The following GLG1 variants were observed in gnomAD, a reference collection of about 807,000 sequenced individuals.
GLG1 encodes the protein golgi glycoprotein 1.
A neutral mutation model predicts 160.5 loss-of-function variants in GLG1; 38 were observed. The ratio of observed to expected loss-of-function variants is 0.24; its 90% CI spans 0.18 to 0.31. The LOEUF is 0.31. Among genes scored for constraint, GLG1 ranks in the 10% least tolerant of loss-of-function variants. The pLI is 1.00. For synonymous variants in GLG1, 644 were observed against 543.4 expected, an observed-to-expected ratio of 1.19 and a Z score of -2.57; for missense variants, 1,373 against 1,505.2, an observed-to-expected ratio of 0.91 and a Z score of 1.45.
intron 18 of GLG1, 57 bp downstream of exon 18, chr16:74,467,699 C>T: frequency 8.5e-7 from 1 of 1,181,180 alleles, no homozygotes; most frequent in Non-Finnish European, 1.3e-6. Context: ...TTTGAGAAAA[C>T]ATTAAATATT....
chr16:74,486,625 T>G (rs920111367), intron 8 of GLG1, among the ~76,000 whole-genome samples: 4 of 152,190 alleles, frequency 2.6e-5, no homozygotes, highest in African/African-American at 9.6e-5. Flanking sequence ...GACAGGAGAA[T>G]AGGTACTTCA....
chr16:74,605,483 T>A (rs1243890648), intron 1 of GLG1, among the ~76,000 whole-genome samples: 2 of 152,194 alleles, frequency 1.3e-5, no homozygotes, highest in East Asian at 3.8e-4. Flanking sequence ...GTTAGGAATA[T>A]TAGCTGTATC....
intron 2 of GLG1, among the ~76,000 whole-genome samples, chr16:74,521,349 T>G (rs913735292): frequency 6.6e-6 from 1 of 152,088 alleles, no homozygotes; most frequent in Non-Finnish European, 1.5e-5. Flanking sequence ...TCATTCCAGC[T>G]GTAGGATAGA....
chr16:74,586,401 T>C (rs1394137442), intron 1 of GLG1, among the ~76,000 whole-genome samples: 1 of 152,180 alleles, frequency 6.6e-6, no homozygotes. Flanking sequence ...CTCAACTCAA[T>C]TACAAGACAA....
Position 74,472,504 on chromosome 16 carries a change from G to T in GLG1, c.2053-93C>A, listed in dbSNP as rs187174512. Reference sequence around the variant, plus strand: ...TCTTTCTGAATCAGTAATATCTGATGGGCAAATAATCTAATACATACTTTT... The same window carrying T: ...TCTTTCTGAATCAGTAATATCTGATTGGCAAATAATCTAATACATACTTTT... On this transcript the variant is annotated intron_variant, in intron 13 of 25. Coordinates refer to ENST00000422840, the MANE Select transcript of GLG1 (RefSeq NM_001145667.2). 6,439 of 1,338,590 alleles carry T rather than the reference G, an allele frequency of 4.8e-3. 33 individuals are homozygous for T. The highest frequency in any genetic ancestry group is 5.3e-3 in the Non-Finnish European group (5,091 of 961,916). 82.9% of individuals were successfully genotyped at this position (1,338,590 alleles called of 1,614,324 possible).
chr16:74,548,811 T>C (rs111281838), intron 1 of GLG1, among the ~76,000 whole-genome samples: 1,837 of 152,060 alleles, frequency 0.012, 36 homozygotes, highest in African/African-American at 0.042. Flanking sequence ...GCCTGGCCAA[T>C]ATGGTGAAAC....
At position 74,498,468 on chromosome 16, in the gene GLG1, T is replaced by TATA. The variant is rs2016290496; in HGVS notation, c.775-1827_775-1825dup. On this transcript the variant is annotated intron_variant, in intron 4 of 25. Transcript: ENST00000422840. Reference sequence around the variant, plus strand: ...AAAAAGTATATATATATATATATATTATATTTTATATATATATTTTATATA... The same window carrying TATA: ...AAAAAGTATATATATATATATATATTATAATATTTTATATATATATTTTATATA... Among the ~76,000 whole-genome samples, 288 of 29,674 alleles carry TATA rather than the reference T, an allele frequency of 9.7e-3. 54 individuals carry two copies. The highest frequency in any genetic ancestry group is 0.015 in the Non-Finnish European group (219 of 14,324). The allele number at this position is 29,674 out of a possible 152,430, so 19.5% of individuals were successfully genotyped here.
rs2014329355 is a variant in GLG1, at chr16:74,452,029, G to C, written c.*1138C>G. 6.5e-7 allele frequency: 1 copy of C among 1,534,302 alleles called. No individual in the cohort carries two copies. The highest frequency in any genetic ancestry group is 9.0e-7 in the Non-Finnish European group (1 of 1,107,182). On this transcript the variant is annotated 3_prime_UTR_variant, in exon 26 of 26. Transcript: ENST00000422840. ...TAGAGGCACAAAGGAGCTTGTCTGG[G>C]AAGTTTGTCTGGAGTGTGCAGAAAG...
intron 7 of GLG1, 30 bp from the exon 8 acceptor site, chr16:74,491,245 G>C: frequency 1.4e-6 from 2 of 1,456,432 alleles, no homozygotes; most frequent in East Asian, 4.5e-5. Context: ...ATAACATTAC[G>C]AAGGGTGATG....
At chr16:74,563,551 ACT>A (rs2018565734) in intron 1 of GLG1, among the ~76,000 whole-genome samples, 2 of 151,930 alleles carry the variant, frequency 1.3e-5, no homozygotes, top group Non-Finnish European at 2.9e-5. Flanking sequence ...CAAAATGGGA[ACT>A]CTGTCTCTAG....
intron 14 of GLG1, 99 bp from the exon 15 acceptor site, chr16:74,471,385 A>G: frequency 1.4e-6 from 1 of 714,708 alleles, no homozygotes; most frequent in Non-Finnish European, 2.5e-6. Context: ...TAGTTCTAGA[A>G]GCCCTCACAA....
chr16:74,549,957 GAAAAA>G (rs954850640), intron 1 of GLG1, among the ~76,000 whole-genome samples: 1 of 88,710 alleles, frequency 1.1e-5, no homozygotes, highest in African/African-American at 4.2e-5. Flanking sequence ...GTGCCAAAAA[GAAAAA>G]AAAAAGTTAG....
chr16:74,453,251 A>G lies in GLG1; in HGVS notation c.3456T>C (p.Ser1152=). 6.2e-7 allele frequency: 1 copy of G among 1,613,438 alleles called. No homozygotes were observed. Among genetic ancestry groups the G allele is most frequent in the Non-Finnish European group, 8.5e-7 (1 of 1,179,400 alleles). The part of the protein sequence containing the change: ...PSKNYILSVI[S]GSICILFLIG... ...TCAGGAACAATATACAGATGCTCCC[A>G]CTGATCACAGAGAGAATGTAGTTCT... The change falls in exon 26 of 26, where the codon AGT becomes AGC. Residue 1152 remains serine, a synonymous_variant. Coordinates refer to ENST00000422840, the MANE Select transcript of GLG1 (RefSeq NM_001145667.2).
intron 25 of GLG1, 111 bp from the exon 26 acceptor site, chr16:74,453,445 G>A: frequency 1.5e-6 from 1 of 669,624 alleles, no homozygotes; most frequent in East Asian, 2.7e-5. Flanking sequence ...TTTTCTTTTG[G>A]AGAGGGAGGG....
At chr16:74,570,542 C>T (rs1481324784) in intron 1 of GLG1, among the ~76,000 whole-genome samples, 1 of 152,038 alleles carries the variant, frequency 6.6e-6, no homozygotes, top group African/African-American at 2.4e-5. Context: ...ACAAATCCCA[C>T]CTGCCCCCCT....
chr16:74,571,189 A>G (rs921803968), intron 1 of GLG1, among the ~76,000 whole-genome samples: 2 of 152,026 alleles, frequency 1.3e-5, no homozygotes, highest in Non-Finnish European at 2.9e-5. Context: ...TTTTCACCCA[A>G]CAAACTACCA....
intron 24 of GLG1, among the ~76,000 whole-genome samples, chr16:74,457,502 A>C (rs1443654203): frequency 6.6e-6 from 1 of 152,176 alleles, no homozygotes; most frequent in Non-Finnish European, 1.5e-5. Flanking sequence ...CTCACACAGA[A>C]CCTGTCTACT....
intron 1 of GLG1, among the ~76,000 whole-genome samples, chr16:74,542,504 A>G (rs1390726692): frequency 6.6e-6 from 1 of 151,800 alleles, no homozygotes; most frequent in Non-Finnish European, 1.5e-5. Flanking sequence ...CCCCATCTCT[A>G]TTAAAAATAC....
intron 1 of GLG1, among the ~76,000 whole-genome samples, chr16:74,588,652 C>A (rs781098170): frequency 2.8e-4 from 43 of 152,026 alleles, no homozygotes; most frequent in Non-Finnish European, 5.3e-4. Context: ...CTCCTAGGCT[C>A]AGGAAATCCA....
Sources: allele counts gnomAD v4.1 joint callset (sites outside exome capture counted in the v4.1 genomes callset), GRCh38; gene constraint gnomAD v4.1.1; transcripts MANE v1.5; gene names NCBI Gene and HGNC (gene_info 2026-07-23, HGNC 2026-07-21).